Variants in RSL24D1 observed in about 807,000 individuals in gnomAD.
The protein encoded by RSL24D1 is probable ribosome biogenesis protein RLP24.
In RSL24D1, 6 loss-of-function variants were observed where a neutral mutation model predicts 26.2. The ratio of observed to expected loss-of-function variants is 0.23; its 90% CI spans 0.13 to 0.45. The LOEUF (loss-of-function observed/expected upper bound fraction) is 0.45, where lower values mean the gene tolerates loss of function less well. Among genes scored for constraint, RSL24D1 ranks in the 20% least tolerant of loss-of-function variants. The pLI, the probability that RSL24D1 is intolerant of heterozygous loss-of-function variation, is 0.99. For synonymous variants in RSL24D1, 61 were observed against 59.1 expected, an observed-to-expected ratio of 1.03 and a Z score of -0.15; for missense variants, 176 against 202.6, an observed-to-expected ratio of 0.87 and a Z score of 0.80.
intron 2 of RSL24D1, chr15:55,192,316 C>T (rs1328796254): frequency 6.3e-6 from 1 of 157,994 alleles, no homozygotes; most frequent in Non-Finnish European, 1.4e-5. Context: ...TCTCCTCACA[C>T]CAACACTACT....
At chr15:55,192,464 T>C (rs530092404) in intron 2 of RSL24D1, 24 of 329,632 alleles carry the variant, frequency 7.3e-5, no homozygotes, top group South Asian at 8.6e-5. Context: ...AATCTTTCAG[T>C]AGCAATTCCC....
intron 1 of RSL24D1, chr15:55,196,359 T>C (rs1045786255): frequency 1.5e-5 from 7 of 457,780 alleles, no homozygotes; most frequent in African/African-American, 1.2e-4. Context: ...TCACCTGCAG[T>C]AACTTAATAC....
chr15:55,196,356 C>T, intron 1 of RSL24D1: 1 of 457,734 alleles, frequency 2.2e-6, no homozygotes, highest in South Asian at 1.5e-5. Flanking sequence ...AACTCACCTG[C>T]AGTAACTTAA....
At chr15:55,185,199 T>G (rs1471816333) in intron 4 of RSL24D1, among the ~76,000 whole-genome samples, 163 bp downstream of exon 4, 3 of 152,198 alleles carry the variant, frequency 2.0e-5, no homozygotes, top group Non-Finnish European at 2.9e-5. Context: ...AAAGTAAATG[T>G]AAAATGCTAG....
At chr15:55,186,051 C>T (rs1014468354) in intron 3 of RSL24D1, among the ~76,000 whole-genome samples, 3 of 152,122 alleles carry the variant, frequency 2.0e-5, no homozygotes, top group African/African-American at 7.2e-5. Context: ...TAAAAACGAA[C>T]AGGAGGAAAT....
chr15:55,195,717 A>G (rs1228826474), intron 1 of RSL24D1: 2 of 152,350 alleles, frequency 1.3e-5, no homozygotes, highest in Non-Finnish European at 2.9e-5. Flanking sequence ...TCCTGAGAGC[A>G]AGTATTCAAA....
rs78560556 is a variant in RSL24D1 at position 55,192,705 on chromosome 15, G to A, written c.195+15C>T. On this transcript the variant is annotated intron_variant, in intron 2 of 5. Coordinates refer to ENST00000260443, the MANE Select transcript of RSL24D1 (RefSeq NM_016304.3). ...GAAACGTGTAAAAACTATATTGATAGCTAACCGTACTCACCACTGTAAGCT... is the reference window on the plus strand; with the variant it reads ...GAAACGTGTAAAAACTATATTGATAACTAACCGTACTCACCACTGTAAGCT... The A allele has an allele frequency of 0.047, 73,389 of 1,561,408 alleles. 1,978 individuals are homozygous for A. The highest frequency in any genetic ancestry group is 0.054 in the Non-Finnish European group (60,695 of 1,132,090).
At chr15:55,184,174 T>C (rs8038091) in intron 4 of RSL24D1, among the ~76,000 whole-genome samples, 15,616 of 152,186 alleles carry the variant, frequency 0.1, 1,419 homozygotes, top group African/African-American at 0.25. Context: ...TAAAAGCTAA[T>C]GGTCCTGCTC....
chr15:55,196,409 C>T (rs1007726969), intron 1 of RSL24D1: 4 of 470,396 alleles, frequency 8.5e-6, no homozygotes, highest in African/African-American at 7.9e-5. Flanking sequence ...CTTCCATCAA[C>T]CTCTACACTT....
chr15:55,185,361 C>G lies in RSL24D1; in HGVS notation c.332+1G>C, dbSNP rs1894213392. ...AAGTTACTCCATACAAATATTCATA[C>G]CTGTTCATTATAAATTTAGCTTGGC... On this transcript the variant is annotated splice_donor_variant, in intron 4 of 5. Transcript: ENST00000260443. LOFTEE classifies it high-confidence loss of function. The G allele has an allele frequency of 6.2e-7, 1 of 1,603,478 alleles. No homozygotes were observed. Among genetic ancestry groups the G allele is most frequent in the Non-Finnish European group, 8.5e-7 (1 of 1,174,722 alleles).
intron 3 of RSL24D1, among the ~76,000 whole-genome samples, chr15:55,189,124 C>T (rs867679928): frequency 2.1e-5 from 3 of 144,022 alleles, no homozygotes; most frequent in Non-Finnish European, 4.5e-5. Context: ...ACCCGGGAGG[C>T]GGAGATTGCA....
chr15:55,195,320 T>C (rs1894343606), intron 1 of RSL24D1: 2 of 152,154 alleles, frequency 1.3e-5, no homozygotes, highest in African/African-American at 4.8e-5. Flanking sequence ...GTACATCCAA[T>C]GGAAAATTCA....
chr15:55,189,748 A>G (rs1474054611), intron 3 of RSL24D1, among the ~76,000 whole-genome samples: 1 of 152,212 alleles, frequency 6.6e-6, no homozygotes, highest in Non-Finnish European at 1.5e-5. Context: ...ACTACCACAA[A>G]GGTCCACAAA....
At chr15:55,196,788 G>A in intron 1 of RSL24D1, 22 bp downstream of exon 1, 1 of 1,613,348 alleles carries the variant, frequency 6.2e-7, no homozygotes, top group Non-Finnish European at 8.5e-7. Flanking sequence ...GCTGAAGCAA[G>A]AACTGGTGTC....
chr15:55,192,643 G>C (rs1382289477), intron 2 of RSL24D1, 77 bp downstream of exon 2: 2 of 984,036 alleles, frequency 2.0e-6, no homozygotes, highest in African/African-American at 3.2e-5. Context: ...TGTTATGATT[G>C]ATTAGATGAC....
rs1894365972 is a variant in RSL24D1 at position 55,196,870 on chromosome 15, A to G, written c.21T>C (p.Tyr7=). The G allele has an allele frequency of 6.2e-7, 1 of 1,614,230 alleles. No individual in the cohort carries two copies. The highest frequency in any genetic ancestry group is 1.1e-5 in the South Asian group (1 of 91,090). MRIEKC[Y]FCSGPIYPGH... ...CAGGATAGATGGGCCCCGAACAGAA[A>G]TAACACTTTTCGATACGCATGTTGA... Residue 7 remains tyrosine, a synonymous_variant, in exon 1 of 6, where the codon TAT becomes TAC. Coordinates refer to ENST00000260443, the MANE Select transcript of RSL24D1 (RefSeq NM_016304.3).
At position 55,180,819 on chromosome 15, in the gene RSL24D1, G is replaced by A. The variant is rs1161891516; in HGVS notation, c.*1333C>T. 6.6e-6 allele frequency: 1 copy of A among 152,104 alleles called. No individual in the cohort carries two copies. Among genetic ancestry groups the A allele is most frequent in the Non-Finnish European group, 1.5e-5 (1 of 68,002 alleles). 9.4% of individuals were successfully genotyped at this position (152,104 alleles called of 1,614,324 possible). A position where few individuals can be genotyped will look rare whatever the true frequency, so the allele number is the denominator to read the frequency against. On this transcript the variant is annotated 3_prime_UTR_variant, in exon 6 of 6. Coordinates refer to ENST00000260443, the MANE Select transcript of RSL24D1 (RefSeq NM_016304.3). ...CCTAATAAAACGTAACTTTCAAAAT[G>A]TTTATTTCTTTAAAAAATGAATACG...
At chr15:55,183,292 T>C (rs1479669837) in intron 5 of RSL24D1, 23 bp downstream of exon 5, 2 of 1,588,752 alleles carry the variant, frequency 1.3e-6, no homozygotes, top group South Asian at 2.3e-5. Flanking sequence ...CACAAAAATC[T>C]AGATGTGCAA....
intron 3 of RSL24D1, among the ~76,000 whole-genome samples, 191 bp downstream of exon 3, chr15:55,190,784 C>A (rs1486562464): frequency 6.6e-6 from 1 of 151,466 alleles, no homozygotes; most frequent in Non-Finnish European, 1.5e-5. Flanking sequence ...ATGAACACAC[C>A]AGCCAATTGT....
Sources: gnomAD v4.1 joint callset for allele counts (sites outside exome capture counted in the v4.1 genomes callset) on GRCh38, gnomAD v4.1.1 for gene constraint, MANE v1.5 for transcripts, NCBI Gene and HGNC (gene_info 2026-07-23, HGNC 2026-07-21) for gene names.